The following ARHGAP42 variants were observed in gnomAD, a reference collection of about 807,000 sequenced individuals.
ARHGAP42 encodes Rho GTPase activating protein 42.
ARHGAP42 carries 63 observed loss-of-function variants against 125.0 expected under a neutral mutation model. The observed-to-expected ratio is 0.50, with a 90% CI of 0.41 to 0.62. ARHGAP42 has a LOEUF of 0.62. Among genes scored for constraint, ARHGAP42 ranks in the 20% least tolerant of loss-of-function variants. The pLI is 0.00. For missense variants in ARHGAP42, 766 were observed against 1,024.2 expected (o/e 0.75, Z 3.44); for synonymous variants, 339 against 351.0 (o/e 0.97, Z 0.38).
At chr11:100,771,832 C>A (rs955185424) in intron 2 of ARHGAP42, among the ~76,000 whole-genome samples, 1 of 152,032 alleles carries the variant, frequency 6.6e-6, no homozygotes, top group Non-Finnish European at 1.5e-5. Context: ...GAACTCCTGA[C>A]CTTGTGATCC....
At chr11:100,837,678 T>A (rs1244774702) in intron 3 of ARHGAP42, among the ~76,000 whole-genome samples, 3 of 139,164 alleles carry the variant, frequency 2.2e-5, no homozygotes, top group Admixed American at 7.3e-5. Flanking sequence ...TTTTTTTTTT[T>A]TTTTTTTTTT....
At chr11:100,744,053 C>T (rs557173442) in intron 1 of ARHGAP42, among the ~76,000 whole-genome samples, 14 of 152,314 alleles carry the variant, frequency 9.2e-5, no homozygotes, top group Middle Eastern at 3.4e-3. Flanking sequence ...TTACTGCAAC[C>T]TCTTCTTCCC....
chr11:100,745,762 G>A (rs1477312348), intron 1 of ARHGAP42, among the ~76,000 whole-genome samples: 1 of 152,140 alleles, frequency 6.6e-6, no homozygotes, highest in African/African-American at 2.4e-5. Context: ...TCTGGCTAGT[G>A]GCCCCTAATT....
chr11:100,879,247 G>A (rs1358846291), intron 4 of ARHGAP42, among the ~76,000 whole-genome samples: 7 of 151,946 alleles, frequency 4.6e-5, no homozygotes, highest in Non-Finnish European at 1.0e-4. Flanking sequence ...TCACTTTTTT[G>A]GTATCCACAT....
intron 10 of ARHGAP42, among the ~76,000 whole-genome samples, chr11:100,945,873 A>G (rs545222689): frequency 6.6e-6 from 1 of 152,204 alleles, no homozygotes; most frequent in African/African-American, 2.4e-5. Context: ...CACCAGTTAC[A>G]TTAACCTCTA....
At chr11:100,968,151 T>C (rs535653606) in intron 17 of ARHGAP42, among the ~76,000 whole-genome samples, 2 of 152,356 alleles carry the variant, frequency 1.3e-5, no homozygotes, top group East Asian at 3.9e-4. Flanking sequence ...TGATACATCT[T>C]CTATCCTTTT....
intron 2 of ARHGAP42, among the ~76,000 whole-genome samples, chr11:100,781,897 C>G (rs1591177414): frequency 6.6e-6 from 1 of 151,714 alleles, no homozygotes; most frequent in East Asian, 1.9e-4. Flanking sequence ...AAAGGAGTAA[C>G]TGACCTCTGA....
Position 100,973,062 on chromosome 11 carries a change from T to A in ARHGAP42, c.1551-113T>A, listed in dbSNP as rs1858294956. ...TTGGAAGTGGCTAAAAGTAGGACAA[T>A]TTCCCTATAATGGCATATTTTACAT... On this transcript the variant is annotated intron_variant, in intron 17 of 23. Transcript: ENST00000298815. 5.2e-6 allele frequency: 5 copies of A among 960,558 alleles called. No individual in the cohort carries two copies. In the African/African-American group the frequency reaches 8.4e-5, roughly 16 times the overall value. The allele number at this position is 960,558 out of a possible 1,614,324, so 59.5% of individuals were successfully genotyped here.
intron 12 of ARHGAP42, among the ~76,000 whole-genome samples, chr11:100,952,314 A>G (rs1011273230): frequency 1.3e-5 from 2 of 152,128 alleles, no homozygotes; most frequent in Admixed American, 6.6e-5. Context: ...TATTCTCTCA[A>G]AGTCACCCTA....
At chr11:100,903,752 A>ATATATATATATATG (rs1555021293) in intron 4 of ARHGAP42, among the ~76,000 whole-genome samples, 2 of 125,644 alleles carry the variant, frequency 1.6e-5, no homozygotes, top group Non-Finnish European at 3.3e-5. Flanking sequence ...ATATATATAT[A>ATATATATATATATG]TATGTATGTA....
chr11:100,939,591 G>C (rs1250880445), intron 8 of ARHGAP42, among the ~76,000 whole-genome samples: 2 of 152,040 alleles, frequency 1.3e-5, no homozygotes, highest in African/African-American at 4.8e-5. Flanking sequence ...GTAGGTATTC[G>C]ATGAATGTTA....
intron 3 of ARHGAP42, among the ~76,000 whole-genome samples, chr11:100,815,455 A>G (rs1166922858): frequency 6.6e-6 from 1 of 152,206 alleles, no homozygotes; most frequent in African/African-American, 2.4e-5. Flanking sequence ...TCTATTCTGT[A>G]TAACTTACAA....
chr11:100,895,511 T>G (rs1318219050), intron 4 of ARHGAP42, among the ~76,000 whole-genome samples: 2 of 151,638 alleles, frequency 1.3e-5, no homozygotes, highest in Non-Finnish European at 2.9e-5. Flanking sequence ...TTTTTTTTTT[T>G]TTAATCCTAA....
intron 8 of ARHGAP42, among the ~76,000 whole-genome samples, chr11:100,937,304 T>C (rs1422268353): frequency 6.6e-6 from 1 of 152,198 alleles, no homozygotes; most frequent in Non-Finnish European, 1.5e-5. Context: ...CTGGGTACTC[T>C]ATAGTTAGCG....
chr11:100,939,500 G>A (rs1867820514), intron 8 of ARHGAP42, among the ~76,000 whole-genome samples: 1 of 152,040 alleles, frequency 6.6e-6, no homozygotes, highest in Admixed American at 6.6e-5. Flanking sequence ...ATTGCCATCT[G>A]TAGGTCACAG....
chr11:100,902,240 G>A (rs1233579916), intron 4 of ARHGAP42, among the ~76,000 whole-genome samples: 1 of 152,132 alleles, frequency 6.6e-6, no homozygotes, highest in Non-Finnish European at 1.5e-5. Flanking sequence ...GTTTAATGCT[G>A]ATTTTGAGAA....
At chr11:100,717,583 G>T (rs1382220548) in intron 1 of ARHGAP42, among the ~76,000 whole-genome samples, 1 of 147,556 alleles carries the variant, frequency 6.8e-6, no homozygotes, top group Non-Finnish European at 1.5e-5. Context: ...CTGGTAGTGA[G>T]CCGAGATTGT....
At chr11:100,709,099 G>A (rs1300773505) in intron 1 of ARHGAP42, among the ~76,000 whole-genome samples, 1 of 151,978 alleles carries the variant, frequency 6.6e-6, no homozygotes, top group Admixed American at 6.6e-5. Context: ...GAGTGCAGTG[G>A]CATGATCTTG....
At chr11:100,937,238 C>T (rs1267286240) in intron 8 of ARHGAP42, among the ~76,000 whole-genome samples, 2 of 152,118 alleles carry the variant, frequency 1.3e-5, no homozygotes, top group Non-Finnish European at 2.9e-5. Flanking sequence ...TCATAACTAC[C>T]TACCTTGGCC....
Sources: gnomAD v4.1 joint callset for allele counts (sites outside exome capture counted in the v4.1 genomes callset) on GRCh38, gnomAD v4.1.1 for gene constraint, MANE v1.5 for transcripts, NCBI Gene and HGNC (gene_info 2026-07-23, HGNC 2026-07-21) for gene names.